Variants in ARAP2 observed in about 807,000 individuals in gnomAD.
ARAP2 encodes arf-GAP with Rho-GAP domain, ANK repeat and PH domain-containing protein 2.
In ARAP2, 148 loss-of-function variants were observed where a neutral mutation model predicts 194.5. That is an observed-to-expected ratio of 0.76 (90% confidence interval 0.67 to 0.87). The LOEUF is 0.87. Among genes scored for constraint, ARAP2 ranks in the 40% least tolerant of loss-of-function variants. The pLI is 0.00. For missense variants in ARAP2, 2,128 were observed against 1,989.7 expected, an observed-to-expected ratio of 1.07 and a Z score of -1.32; for synonymous variants, 695 against 683.5, an observed-to-expected ratio of 1.02 and a Z score of -0.26.
chr4:36,218,416 A>T (rs1379896332), intron 2 of ARAP2, among the ~76,000 whole-genome samples: 1 of 152,112 alleles, frequency 6.6e-6, no homozygotes, highest in East Asian at 1.9e-4. Flanking sequence ...ACAACCCAGC[A>T]CATGTACCCT....
At chr4:36,032,798 TTA>T (rs1353284015) in intron 5 of ARAP2, among the ~76,000 whole-genome samples, 2 of 152,162 alleles carry the variant, frequency 1.3e-5, no homozygotes, top group Non-Finnish European at 2.9e-5. Flanking sequence ...TACCCAATAG[TTA>T]TGTTTTCTGA....
intron 6 of ARAP2, among the ~76,000 whole-genome samples, chr4:36,195,154 G>A (rs1211930864): frequency 9.0e-6 from 1 of 111,612 alleles, no homozygotes; most frequent in Non-Finnish European, 1.8e-5. Context: ...GCAACACAGT[G>A]AGAGCCCCAT....
chr4:36,048,437 C>T (rs183817500), intron 3 of ARAP2, among the ~76,000 whole-genome samples: 10 of 152,232 alleles, frequency 6.6e-5, no homozygotes, highest in Middle Eastern at 3.4e-3. Flanking sequence ...AAAGGTTTAG[C>T]TCCCACTTAT....
intron 16 of ARAP2, 75 bp from the exon 17 acceptor site, chr4:36,148,582 G>T: frequency 9.9e-7 from 1 of 1,007,996 alleles, no homozygotes; most frequent in Non-Finnish European, 1.5e-6. Context: ...CAAAGGTCAT[G>T]TTTTTAATTA....
intron 31 of ARAP2, among the ~76,000 whole-genome samples, chr4:36,075,426 T>C (rs1393626342): frequency 6.6e-6 from 1 of 152,152 alleles, no homozygotes; most frequent in African/African-American, 2.4e-5. Flanking sequence ...GCACGGATCA[T>C]ATAGGTGAGG....
At chr4:36,025,852 T>G (rs1030366498) in intron 5 of ARAP2, among the ~76,000 whole-genome samples, 2 of 152,064 alleles carry the variant, frequency 1.3e-5, no homozygotes, top group Non-Finnish European at 2.9e-5. Context: ...TGTTCATGAT[T>G]TTTTTCCCCC....
chr4:36,175,233 T>A (rs1350446424), intron 9 of ARAP2, among the ~76,000 whole-genome samples: 2 of 152,246 alleles, frequency 1.3e-5, no homozygotes, highest in Non-Finnish European at 2.9e-5. Flanking sequence ...TTACTGTGTG[T>A]GTTTGTATAA....
At chr4:36,060,511 C>T (rs1307932066) in intron 1 of ARAP2, among the ~76,000 whole-genome samples, 2 of 152,126 alleles carry the variant, frequency 1.3e-5, no homozygotes, top group Non-Finnish European at 2.9e-5. Flanking sequence ...TTTGGAGCAA[C>T]AAGAGCACAA....
At chr4:36,030,153 C>A (rs1718665010) in intron 5 of ARAP2, among the ~76,000 whole-genome samples, 1 of 152,116 alleles carries the variant, frequency 6.6e-6, no homozygotes, top group African/African-American at 2.4e-5. Context: ...GTCTCTATAA[C>A]CATTATACTT....
chr4:36,074,370 T>C (rs1285277611), intron 31 of ARAP2, among the ~76,000 whole-genome samples: 1 of 152,090 alleles, frequency 6.6e-6, no homozygotes, highest in Admixed American at 6.6e-5. Context: ...CTGAAAATCA[T>C]TGTACAACGG....
intron 8 of ARAP2, among the ~76,000 whole-genome samples, chr4:36,185,570 C>T (rs1658356393): frequency 6.6e-6 from 1 of 151,936 alleles, no homozygotes; most frequent in Non-Finnish European, 1.5e-5. Context: ...ATGTGCTATG[C>T]ACTGACATAT....
intron 22 of ARAP2, among the ~76,000 whole-genome samples, chr4:36,122,080 T>C (rs1004823376): frequency 6.6e-6 from 1 of 151,424 alleles, no homozygotes. Context: ...ACACTCACAA[T>C]AGTCAGAATG....
chr4:36,170,165 A>G (rs1357792244), intron 9 of ARAP2, among the ~76,000 whole-genome samples: 1 of 152,214 alleles, frequency 6.6e-6, no homozygotes, highest in African/African-American at 2.4e-5. Context: ...TTTAATTTCC[A>G]AAAACAAAAG....
chr4:36,243,113 A>C (rs1753853001), intron 1 of ARAP2, among the ~76,000 whole-genome samples: 1 of 151,918 alleles, frequency 6.6e-6, no homozygotes, highest in Admixed American at 6.5e-5. Context: ...AAGAGTTTAA[A>C]GGTATTTCTC....
chr4:36,176,609 C>A (rs1737978641), intron 9 of ARAP2, among the ~76,000 whole-genome samples: 1 of 152,034 alleles, frequency 6.6e-6, no homozygotes, highest in South Asian at 2.1e-4. Context: ...AACCTCCATT[C>A]CAATAAGAAA....
chr4:36,085,398 A>G (rs900728833), intron 28 of ARAP2, among the ~76,000 whole-genome samples: 2 of 152,066 alleles, frequency 1.3e-5, no homozygotes, highest in Admixed American at 6.6e-5. Context: ...TATAAATGAT[A>G]AGTTAGACAG....
intron 15 of ARAP2, among the ~76,000 whole-genome samples, chr4:36,154,676 T>C (rs1408794656): frequency 6.6e-6 from 1 of 152,102 alleles, no homozygotes; most frequent in Non-Finnish European, 1.5e-5. Flanking sequence ...CCAGAAAAAC[T>C]TCAAATCTTA....
intron 3 of ARAP2, among the ~76,000 whole-genome samples, chr4:36,050,079 A>G (rs1229845118): frequency 1.3e-5 from 2 of 152,192 alleles, no homozygotes; most frequent in Non-Finnish European, 2.9e-5. Flanking sequence ...TGATGACTGA[A>G]GACTTGGTTT....
intron 3 of ARAP2, among the ~76,000 whole-genome samples, chr4:36,049,541 TTTAA>T (rs530751403): frequency 1.2e-4 from 19 of 152,226 alleles, no homozygotes; most frequent in Non-Finnish European, 2.1e-4. Flanking sequence ...CTGCAATTGA[TTTAA>T]TTATGTAGTT....
Sources: allele counts gnomAD v4.1 joint callset (sites outside exome capture counted in the v4.1 genomes callset), GRCh38; gene constraint gnomAD v4.1.1; transcripts MANE v1.5; gene names NCBI Gene and HGNC (gene_info 2026-07-23, HGNC 2026-07-21).